Variants in CPQ observed in about 807,000 individuals in gnomAD.
The protein encoded by CPQ is carboxypeptidase Q.
In CPQ, 37 loss-of-function variants were observed where a neutral mutation model predicts 45.7. The ratio of observed to expected loss-of-function variants is 0.81; its 90% confidence interval spans 0.62 to 1.07. The LOEUF (loss-of-function observed/expected upper bound fraction) is 1.07, where lower values mean the gene tolerates loss of function less well. Ranked by LOEUF, CPQ falls within the 50% of genes least tolerant of loss-of-function variation. The pLI, the probability that CPQ is intolerant of heterozygous loss-of-function variation, is 0.00. For missense variants in CPQ, 537 were observed against 572.9 expected (o/e 0.94, Z 0.64); for synonymous variants, 186 against 205.8 (o/e 0.90, Z 0.82).
intron 5 of CPQ, among the ~76,000 whole-genome samples, chr8:96,991,175 C>A (rs1028072003): frequency 6.6e-6 from 1 of 152,162 alleles, no homozygotes; most frequent in Admixed American, 6.6e-5. Context: ...CCTGACTCTG[C>A]CACCTGCTGT....
At chr8:96,880,576 T>TATGTATATATACATAC (rs1359946797) in intron 4 of CPQ, among the ~76,000 whole-genome samples, 1 of 83,138 alleles carries the variant, frequency 1.2e-5, no homozygotes, top group Non-Finnish European at 2.5e-5. Flanking sequence ...TATATATATA[T>TATGTATATATACATAC]ACCATGGAAT....
chr8:96,892,114 A>G (rs917045510), intron 4 of CPQ, among the ~76,000 whole-genome samples: 2 of 152,220 alleles, frequency 1.3e-5, no homozygotes, highest in African/African-American at 4.8e-5. Context: ...CTGTAAAATA[A>G]CCCAAAGACA....
chr8:96,839,531 T>G (rs1811578099), intron 3 of CPQ, among the ~76,000 whole-genome samples: 1 of 152,196 alleles, frequency 6.6e-6, no homozygotes, highest in African/African-American at 2.4e-5. Flanking sequence ...TAATTAGAGA[T>G]TTAAGTCCCA....
chr8:96,975,161 A>G (rs1161288055), intron 5 of CPQ, among the ~76,000 whole-genome samples: 1 of 152,116 alleles, frequency 6.6e-6, no homozygotes, highest in Non-Finnish European at 1.5e-5. Context: ...ATGAAATGGG[A>G]GATATTACAA....
intron 1 of CPQ, among the ~76,000 whole-genome samples, chr8:96,762,403 GAAAAT>G (rs1810416189): frequency 6.6e-6 from 1 of 152,094 alleles, no homozygotes; most frequent in Non-Finnish European, 1.5e-5. Flanking sequence ...GATTAAAAGA[GAAAAT>G]AATATAAGAA....
In CPQ at chr8:96,919,746, T is replaced by A. The variant is rs190968991; in HGVS notation, c.849+39741T>A. 1.0e-3 allele frequency among the ~76,000 whole-genome samples: 157 copies of A among 152,284 alleles called. 1 individual carries two copies. Among genetic ancestry groups the A allele is most frequent in the African/African-American group, 3.3e-3 (139 of 41,566 alleles). On this transcript the variant is annotated intron_variant, in intron 4 of 7. Transcript: ENST00000220763. ...AATTAGATAGAGATATCTTTCATATTTAAAATTTTATTTCTGTGCAGATTT... is the reference window on the plus strand; with the variant it reads ...AATTAGATAGAGATATCTTTCATATATAAAATTTTATTTCTGTGCAGATTT...
At chr8:96,908,359 A>G (rs1812608178) in intron 4 of CPQ, among the ~76,000 whole-genome samples, 1 of 152,168 alleles carries the variant, frequency 6.6e-6, no homozygotes, top group South Asian at 2.1e-4. Flanking sequence ...CCTGCAATGC[A>G]TCTTGCAAGA....
At chr8:96,660,241 G>A (rs1289323633) in intron 1 of CPQ, among the ~76,000 whole-genome samples, 2 of 152,098 alleles carry the variant, frequency 1.3e-5, no homozygotes, top group Non-Finnish European at 2.9e-5. Flanking sequence ...TGGCTTGCAC[G>A]TGGCCATCTT....
chr8:97,020,998 A>C (rs778153207), intron 5 of CPQ, among the ~76,000 whole-genome samples: 3 of 152,152 alleles, frequency 2.0e-5, no homozygotes, highest in African/African-American at 7.2e-5. Flanking sequence ...ACCAAATCCA[A>C]CAACGTATCA....
chr8:96,747,356 G>A (rs1433628908), intron 1 of CPQ, among the ~76,000 whole-genome samples: 1 of 151,432 alleles, frequency 6.6e-6, no homozygotes, highest in African/African-American at 2.4e-5. Flanking sequence ...GCTGACCAAT[G>A]CATAGAGAGA....
chr8:96,682,021 A>G (rs963787010), intron 1 of CPQ, among the ~76,000 whole-genome samples: 5 of 152,244 alleles, frequency 3.3e-5, no homozygotes, highest in Non-Finnish European at 7.3e-5. Context: ...TTACAGGCTC[A>G]TAGGTGAAAA....
At chr8:96,918,906 T>G (rs1044255368) in intron 4 of CPQ, among the ~76,000 whole-genome samples, 5 of 152,122 alleles carry the variant, frequency 3.3e-5, no homozygotes, top group African/African-American at 9.7e-5. Flanking sequence ...ACTTTCTGCT[T>G]TCAACCCTAT....
intron 5 of CPQ, among the ~76,000 whole-genome samples, chr8:97,014,263 A>G (rs946912683): frequency 6.6e-6 from 1 of 152,076 alleles, no homozygotes; most frequent in African/African-American, 2.4e-5. Context: ...GCATGGTGAG[A>G]TTTTCCTTTA....
intron 4 of CPQ, among the ~76,000 whole-genome samples, chr8:96,885,759 C>T (rs551206164): frequency 2.2e-4 from 34 of 152,178 alleles, no homozygotes; most frequent in Admixed American, 7.2e-4. Flanking sequence ...GAGGCCGAGG[C>T]GGGCAGATAA....
chr8:96,766,378 C>A (rs1810467490), intron 1 of CPQ, among the ~76,000 whole-genome samples: 1 of 152,136 alleles, frequency 6.6e-6, no homozygotes, highest in Non-Finnish European at 1.5e-5. Context: ...TTCATTAGGG[C>A]CTTTTTCTTC....
intron 1 of CPQ, among the ~76,000 whole-genome samples, chr8:96,749,730 A>T (rs1810234741): frequency 6.6e-6 from 1 of 152,170 alleles, no homozygotes; most frequent in Non-Finnish European, 1.5e-5. Flanking sequence ...TGTGAGGAAA[A>T]AGGCACTTTA....
intron 7 of CPQ, among the ~76,000 whole-genome samples, chr8:97,141,631 C>T (rs1430735808): frequency 6.6e-6 from 1 of 152,248 alleles, no homozygotes; most frequent in African/African-American, 2.4e-5. Flanking sequence ...AAATTGAACA[C>T]ACACATACTC....
intron 4 of CPQ, among the ~76,000 whole-genome samples, chr8:96,965,619 T>C (rs1252735451): frequency 6.6e-6 from 1 of 152,128 alleles, no homozygotes; most frequent in Non-Finnish European, 1.5e-5. Flanking sequence ...TCCACCCGCC[T>C]CGGCCTCCCA....
In CPQ at chr8:96,757,998, C is replaced by T. The variant is rs1001037833; in HGVS notation, c.-34-26866C>T. ...TTTGATGGTTTTTTCAAATGTCTAACGGGCTTTCATCTGTCATGGATTTAG... is the reference window on the plus strand; with the variant it reads ...TTTGATGGTTTTTTCAAATGTCTAATGGGCTTTCATCTGTCATGGATTTAG... On this transcript the variant is annotated intron_variant, in intron 1 of 7. Coordinates refer to ENST00000220763, the MANE Select transcript of CPQ (RefSeq NM_016134.4). Among the ~76,000 whole-genome samples, 16 of 152,296 alleles carry T rather than the reference C, an allele frequency of 1.1e-4. 1 individual carries two copies. Among genetic ancestry groups the T allele is most frequent in the South Asian group, 6.2e-4 (3 of 4,818 alleles).
Sources: allele counts gnomAD v4.1 joint callset (sites outside exome capture counted in the v4.1 genomes callset), GRCh38; gene constraint gnomAD v4.1.1; transcripts MANE v1.5; gene names NCBI Gene and HGNC (gene_info 2026-07-23, HGNC 2026-07-21).